Variants in MLKL observed in about 807,000 individuals in gnomAD.
MLKL encodes the protein mixed lineage kinase domain-like protein.
Under a neutral mutation model 56.5 loss-of-function variants are expected in MLKL, and 55 were observed. That is an observed-to-expected ratio of 0.97 (90% CI 0.78 to 1.22). The LOEUF is 1.22. Ranked by LOEUF, MLKL falls within the 50% of genes most tolerant of loss-of-function variation. MLKL has a pLI of 0.00. For missense variants in MLKL, 694 were observed against 573.9 expected, an observed-to-expected ratio of 1.21 and a Z score of -2.14; for synonymous variants, 251 against 208.3, an observed-to-expected ratio of 1.20 and a Z score of -1.76.
intron 5 of MLKL, 24 bp from the exon 6 acceptor site, chr16:74,682,810 A>T (rs776881696): frequency 1.2e-6 from 2 of 1,613,232 alleles, no homozygotes; most frequent in Non-Finnish European, 1.7e-6. Flanking sequence ...GCCAGACACT[A>T]TGAGGACCCG....
intron 1 of MLKL, among the ~76,000 whole-genome samples, chr16:74,696,443 A>G (rs906034917): frequency 2.0e-5 from 3 of 151,858 alleles, no homozygotes; most frequent in Non-Finnish European, 2.9e-5. Flanking sequence ...CATGTGGACT[A>G]TCTTTCATTT....
chr16:74,684,777 C>G (rs148301305), intron 5 of MLKL, among the ~76,000 whole-genome samples: 4 of 152,166 alleles, frequency 2.6e-5, no homozygotes, highest in Middle Eastern at 3.4e-3. Flanking sequence ...GCCACAGCGC[C>G]TGGCCAGGTA....
chr16:74,676,155 G>A, intron 7 of MLKL: 1 of 727,806 alleles, frequency 1.4e-6, no homozygotes, highest in Non-Finnish European at 1.7e-6. Context: ...TAGAGCCACT[G>A]CCTGGCTCGC....
At chr16:74,691,244 G>C in intron 4 of MLKL, 33 bp downstream of exon 4, 1 of 1,568,876 alleles carries the variant, frequency 6.4e-7, no homozygotes, top group Non-Finnish European at 8.7e-7. Flanking sequence ...GTAAGTATTG[G>C]TACACACGAG....
intron 4 of MLKL, among the ~76,000 whole-genome samples, chr16:74,687,477 G>A (rs1960404778): frequency 6.6e-6 from 1 of 151,782 alleles, no homozygotes. Context: ...GTGTGGAAAT[G>A]AAAGGAATTC....
In MLKL at chr16:74,693,643, C is replaced by T. The variant is rs370730755; in HGVS notation, c.461-1227G>A. Among the ~76,000 whole-genome samples, 14 of 148,092 alleles carry T rather than the reference C, an allele frequency of 9.5e-5. No homozygotes were observed. The East Asian group carries it at 1.0e-3, about 11-fold the overall frequency. On this transcript the variant is annotated intron_variant, in intron 2 of 10. Coordinates refer to ENST00000308807, the MANE Select transcript of MLKL (RefSeq NM_152649.4). Reference sequence around the variant, plus strand: ...TTTTTGAGACGGAATCTCTCTGTCGCCCAGGCTGGAGTGCAGTGGAGCGAT... The same window carrying T: ...TTTTTGAGACGGAATCTCTCTGTCGTCCAGGCTGGAGTGCAGTGGAGCGAT...
chr16:74,694,240 A>G (rs1960881290), intron 2 of MLKL, among the ~76,000 whole-genome samples: 1 of 152,182 alleles, frequency 6.6e-6, no homozygotes, highest in African/African-American at 2.4e-5. Context: ...TCAGATTTTG[A>G]TAAAGGTTGC....
chr16:74,683,008 T>C (rs1960088038), intron 5 of MLKL, among the ~76,000 whole-genome samples: 1 of 151,928 alleles, frequency 6.6e-6, no homozygotes, highest in Non-Finnish European at 1.5e-5. Flanking sequence ...CTTGTCGTAA[T>C]TCTACCTTAA....
Position 74,682,862 on chromosome 16 carries a change from G to A in MLKL, c.821-76C>T, listed in dbSNP as rs2144493513. The A allele has an allele frequency of 3.9e-6, 6 of 1,540,230 alleles. No individual in the cohort carries two copies. In the South Asian group the frequency reaches 7.2e-5, roughly 18 times the overall value. ...CCATGTCTGCAGCCCACCTCTCCCA[G>A]CCTCGGTACAGATACAGACTTGGCT... On this transcript the variant is annotated intron_variant, in intron 5 of 10. Coordinates refer to ENST00000308807, the MANE Select transcript of MLKL (RefSeq NM_152649.4).
chr16:74,686,100 C>A (rs1262430931), intron 4 of MLKL, among the ~76,000 whole-genome samples: 4 of 152,082 alleles, frequency 2.6e-5, no homozygotes, highest in Admixed American at 2.6e-4. Context: ...GCTGGAACTA[C>A]AGGTGCGTGC....
chr16:74,678,835 G>C, intron 7 of MLKL, 64 bp downstream of exon 7: 1 of 1,141,054 alleles, frequency 8.8e-7, no homozygotes. Context: ...TGAGACACTC[G>C]TGCCCCTCTC....
intron 4 of MLKL, among the ~76,000 whole-genome samples, chr16:74,687,292 C>G (rs1960389006): frequency 6.6e-6 from 1 of 151,994 alleles, no homozygotes; most frequent in South Asian, 2.1e-4. Context: ...TTTAAAAGAT[C>G]TAAATAAATG....
chr16:74,675,692 CTCTG>C lies in MLKL; in HGVS notation c.1107_1110del (p.Asp369GlufsTer22), dbSNP rs561839347. 5.5e-3 allele frequency: 8,822 copies of C among 1,614,066 alleles called. 36 individuals carry two copies. Among genetic ancestry groups the C allele is most frequent in the Non-Finnish European group, 7.1e-3 (8,389 of 1,179,978 alleles). ...GGTGAGAGATATGCTGTAGATTTGA[CTCTG>C]TCTGTCTTTTCTCTCGTAGTTCCCA... On this transcript the variant is annotated frameshift_variant, in exon 8 of 11. Coordinates refer to ENST00000308807, the MANE Select transcript of MLKL (RefSeq NM_152649.4). LOFTEE classifies it high-confidence loss of function.
intron 7 of MLKL, chr16:74,678,490 A>C (rs1469345660): frequency 1.7e-5 from 3 of 179,150 alleles, no homozygotes; most frequent in African/African-American, 7.1e-5. Context: ...CTCAGTTCTA[A>C]AACCAAGGCA....
At chr16:74,675,861 C>G in intron 7 of MLKL, 97 bp from the exon 8 acceptor site, 1 of 1,293,136 alleles carries the variant, frequency 7.7e-7, no homozygotes, top group Non-Finnish European at 1.1e-6. Context: ...AGGGAATTGT[C>G]TTTTACCTTA....
intron 1 of MLKL, among the ~76,000 whole-genome samples, chr16:74,698,846 G>T (rs1961210416): frequency 1.3e-5 from 2 of 152,172 alleles, no homozygotes; most frequent in Admixed American, 1.3e-4. Flanking sequence ...GGTCACATTG[G>T]CTCATGCCTG....
At chr16:74,696,083 G>A (rs534214750) in intron 1 of MLKL, among the ~76,000 whole-genome samples, 46 of 152,252 alleles carry the variant, frequency 3.0e-4, no homozygotes, top group Admixed American at 5.9e-4. Flanking sequence ...CAGCTGTGCC[G>A]CCTCCTCACA....
rs369947576 is a variant in MLKL at position 74,687,969 on chromosome 16, G to A, written c.723-2386C>T. On this transcript the variant is annotated intron_variant, in intron 4 of 10. Coordinates refer to ENST00000308807, the MANE Select transcript of MLKL (RefSeq NM_152649.4). ...GCCTCCTGAGTAGCTGGGACTACAG[G>A]TGCCCGCCACCACACCTGGCTAATT... Among the ~76,000 whole-genome samples, 6 of 152,310 alleles carry A rather than the reference G, an allele frequency of 3.9e-5. No homozygotes were observed. In the South Asian group the frequency reaches 6.2e-4, roughly 16 times the overall value.
At chr16:74,696,553 G>A (rs921986527) in intron 1 of MLKL, among the ~76,000 whole-genome samples, 17 of 151,858 alleles carry the variant, frequency 1.1e-4, no homozygotes, top group East Asian at 9.8e-4. Flanking sequence ...TTGAGAGGAA[G>A]AGACAGGAGG....
Sources: allele counts gnomAD v4.1 joint callset (sites outside exome capture counted in the v4.1 genomes callset), GRCh38; gene constraint gnomAD v4.1.1; transcripts MANE v1.5; gene names NCBI Gene and HGNC (gene_info 2026-07-23, HGNC 2026-07-21).